Variants in OR9Q1 observed in about 807,000 individuals in gnomAD.
OR9Q1 encodes the protein olfactory receptor 9Q1.
For missense variants in OR9Q1, 374 were observed against 378.8 expected (o/e 0.99, Z 0.11); for synonymous variants, 153 against 148.6 (o/e 1.03, Z -0.22).
intron 2 of OR9Q1, among the ~76,000 whole-genome samples, chr11:58,067,084 T>C (rs566371755): frequency 2.4e-4 from 37 of 151,146 alleles, no homozygotes; most frequent in Non-Finnish European, 2.2e-4. Context: ...CAGGCTGGAG[T>C]GCAGTGGCGT....
intron 2 of OR9Q1, among the ~76,000 whole-genome samples, chr11:58,165,120 A>C (rs558467434): frequency 6.6e-6 from 1 of 152,334 alleles, no homozygotes; most frequent in East Asian, 1.9e-4. Context: ...CAAGAATGCA[A>C]GCTCATAGGA....
At chr11:58,055,825 A>G (rs1268384459) in intron 1 of OR9Q1, 45 bp from the exon 2 acceptor site, 1 of 141,690 alleles carries the variant, frequency 7.1e-6, no homozygotes, top group Non-Finnish European at 1.5e-5. Flanking sequence ...GCTGGAGGCA[A>G]CTACTAACTT....
intron 2 of OR9Q1, among the ~76,000 whole-genome samples, chr11:58,174,016 T>A (rs1854580082): frequency 6.6e-6 from 1 of 152,136 alleles, no homozygotes; most frequent in South Asian, 2.1e-4. Flanking sequence ...GAGTATATTT[T>A]GTATGTGATT....
chr11:58,053,668 A>G (rs1853297802), intron 1 of OR9Q1, among the ~76,000 whole-genome samples: 1 of 146,576 alleles, frequency 6.8e-6, no homozygotes, highest in South Asian at 2.1e-4. Context: ...TAAAATATAT[A>G]TATAAAATAA....
intron 2 of OR9Q1, among the ~76,000 whole-genome samples, chr11:58,113,459 A>T (rs1853921468): frequency 6.6e-6 from 1 of 152,118 alleles, no homozygotes; most frequent in Non-Finnish European, 1.5e-5. Flanking sequence ...AGGCTAGGAG[A>T]CACTTCCCAA....
rs17152435 is a variant in OR9Q1 at position 58,162,933 on chromosome 11, G to A, written c.-14-16498G>A. On this transcript the variant is annotated intron_variant, in intron 2 of 2. Coordinates refer to ENST00000335397, the MANE Select transcript of OR9Q1 (RefSeq NM_001005212.4). The stretch of plus-strand genomic sequence containing the variant: ...TCCTGTAAATATAAGAGCTTAGCAA[G>A]TTTTCTTTCTTTGTCTCTTTCTCTA... Among the ~76,000 whole-genome samples, 1,055 of 152,304 alleles carry A rather than the reference G, an allele frequency of 6.9e-3. 10 individuals are homozygous for A. The highest frequency in any genetic ancestry group is 0.019 in the African/African-American group (775 of 41,572).
In OR9Q1 at chr11:58,133,069, C is replaced by A. The variant is rs80244512; in HGVS notation, c.-14-46362C>A. Reference sequence around the variant, plus strand: ...CACATTCTACCTGCGCTCAGCCCAGCCTTCCAGACTGGGGAAGGACCTTTT... The same window carrying A: ...CACATTCTACCTGCGCTCAGCCCAGACTTCCAGACTGGGGAAGGACCTTTT... On this transcript the variant is annotated intron_variant, in intron 2 of 2. Transcript: ENST00000335397. Among the ~76,000 whole-genome samples the A allele has an allele frequency of 2.0e-5, 3 of 152,280 alleles. 1 individual carries two copies. Among genetic ancestry groups the A allele is most frequent in the African/African-American group, 7.2e-5 (3 of 41,562 alleles).
At chr11:58,125,702 C>T (rs1044571145) in intron 2 of OR9Q1, among the ~76,000 whole-genome samples, 7 of 152,120 alleles carry the variant, frequency 4.6e-5, no homozygotes, top group East Asian at 1.9e-4. Context: ...ATAGCCGGCC[C>T]GGTCAGGGAG....
chr11:58,179,822 G>A lies in OR9Q1; in HGVS notation c.378G>A (p.Val126=). 1 of 1,614,188 alleles carries A rather than the reference G, an allele frequency of 6.2e-7. No individual in the cohort carries two copies. Among genetic ancestry groups the A allele is most frequent in the Non-Finnish European group, 8.5e-7 (1 of 1,180,034 alleles). Residue 126 remains valine (V), a synonymous_variant, in exon 3 of 3, where the codon GTG becomes GTA. Coordinates refer to ENST00000335397, the MANE Select transcript of OR9Q1 (RefSeq NM_001005212.4). ...TGGCCTATGACCGCTACTTGGCTGTGTGCCAGCCCCTGCTTTATGTCACCA... is the reference window on the plus strand; with the variant it reads ...TGGCCTATGACCGCTACTTGGCTGTATGCCAGCCCCTGCTTTATGTCACCA... The part of the protein sequence containing the change: ...ALMAYDRYLA[V]CQPLLYVTIL...
intron 2 of OR9Q1, among the ~76,000 whole-genome samples, chr11:58,114,285 G>C (rs1853930129): frequency 6.6e-6 from 1 of 152,036 alleles, no homozygotes; most frequent in Non-Finnish European, 1.5e-5. Context: ...TGTATCCTTG[G>C]GTGGTTTTAT....
At chr11:58,139,835 T>A (rs1278422539) in intron 2 of OR9Q1, among the ~76,000 whole-genome samples, 5 of 151,630 alleles carry the variant, frequency 3.3e-5, no homozygotes, top group African/African-American at 1.2e-4. Flanking sequence ...TATTTCTAGT[T>A]CTAGATCCCT....
chr11:58,031,617 A>G (rs529254367), intron 1 of OR9Q1: 7 of 1,611,960 alleles, frequency 4.3e-6, no homozygotes, highest in East Asian at 2.2e-5. Flanking sequence ...GCTGTGTCCT[A>G]TGGCAACATC....
chr11:58,167,036 C>T (rs1465248519), intron 2 of OR9Q1, among the ~76,000 whole-genome samples: 2 of 152,146 alleles, frequency 1.3e-5, no homozygotes, highest in Admixed American at 1.3e-4. Context: ...TGCAGGTCTC[C>T]ATTGTCTGTC....
intron 2 of OR9Q1, chr11:58,119,156 A>C (rs2120129855): frequency 6.2e-7 from 1 of 1,614,048 alleles, no homozygotes; most frequent in South Asian, 1.1e-5. Flanking sequence ...TGGGCAGCAC[A>C]GTGGCCGTAG....
At chr11:58,029,358 C>T (rs1853006410) in intron 1 of OR9Q1, among the ~76,000 whole-genome samples, 1 of 152,136 alleles carries the variant, frequency 6.6e-6, no homozygotes. Context: ...CACTGGGTTT[C>T]AAGAAGCAAG....
At chr11:58,139,582 C>A (rs1854223887) in intron 2 of OR9Q1, among the ~76,000 whole-genome samples, 1 of 152,024 alleles carries the variant, frequency 6.6e-6, no homozygotes, top group African/African-American at 2.4e-5. Context: ...TGGTTTCCAG[C>A]TTCATCCATG....
intron 2 of OR9Q1, among the ~76,000 whole-genome samples, chr11:58,111,887 G>A (rs1028837333): frequency 6.6e-5 from 10 of 150,806 alleles, no homozygotes; most frequent in African/African-American, 2.2e-4. Context: ...TCCTTTTTGG[G>A]GGGGGTGGGC....
intron 2 of OR9Q1, among the ~76,000 whole-genome samples, chr11:58,128,301 T>C (rs1590606012): frequency 6.7e-6 from 1 of 148,236 alleles, no homozygotes; most frequent in African/African-American, 2.5e-5. Flanking sequence ...TTAACCTGCC[T>C]GATATAAAAG....
At position 58,140,196 on chromosome 11, in the gene OR9Q1, A is replaced by G. The variant is rs758724751; in HGVS notation, c.-14-39235A>G. The stretch of plus-strand genomic sequence containing the variant: ...AGATTCTGGATATTAGCCCTTTGTC[A>G]GTTGTGTAGATTGCAAAAATTTTCT... On this transcript the variant is annotated intron_variant, in intron 2 of 2. Transcript: ENST00000335397. Among the ~76,000 whole-genome samples the G allele has an allele frequency of 4.9e-4, 75 of 152,150 alleles. No individual in the cohort carries two copies. The Middle Eastern group carries it at 0.02, about 41-fold the overall frequency.
Sources: allele counts gnomAD v4.1 joint callset (sites outside exome capture counted in the v4.1 genomes callset), GRCh38; gene constraint gnomAD v4.1.1; transcripts MANE v1.5; gene names NCBI Gene and HGNC (gene_info 2026-07-23, HGNC 2026-07-21).